S100A13: variants seen among roughly 807,000 people sequenced by gnomAD.
The protein encoded by S100A13 is S100 calcium binding protein A13.
S100A13 carries 6 observed loss-of-function variants against 8.2 expected under a neutral mutation model. The observed-to-expected ratio is 0.73, with a 90% CI of 0.40 to 1.44. S100A13 has a LOEUF of 1.44. Ranked by LOEUF, S100A13 falls within the 40% of genes most tolerant of loss-of-function variation. The pLI is 0.02. For missense variants in S100A13, 114 were observed against 113.6 expected (o/e 1.00, Z -0.02); for synonymous variants, 39 against 45.9 (o/e 0.85, Z 0.61).
chr1:153,630,189 T>TC (rs1667924766), upstream of S100A13: 10 of 439,848 alleles, frequency 2.3e-5, no homozygotes, highest in East Asian at 3.1e-4. Flanking sequence ...CCCTCCTCAA[T>TC]CCCTGCCTGG....
chr1:153,634,304 G>A (rs1668219268), upstream of S100A13: 1 of 152,956 alleles, frequency 6.5e-6, no homozygotes, highest in South Asian at 2.1e-4. Flanking sequence ...CGGAGCCGTG[G>A]TGGCAGCCCC....
At chr1:153,629,412 C>T (rs1359070782), upstream of S100A13, 2 of 152,246 alleles carry the variant, frequency 1.3e-5, no homozygotes, top group Non-Finnish European at 2.9e-5. Context: ...CGATCAGGGG[C>T]CATTGTCCAG....
chr1:153,623,730 G>A (rs1348392601), intron 2 of S100A13, among the ~76,000 whole-genome samples: 2 of 152,302 alleles, frequency 1.3e-5, no homozygotes, highest in Non-Finnish European at 2.9e-5. Context: ...ACTGGTAAAT[G>A]AATCAACCAG....
intron 2 of S100A13, among the ~76,000 whole-genome samples, chr1:153,624,547 GA>G (rs34952512): frequency 0.028 from 3,055 of 109,302 alleles, 68 homozygotes; most frequent in African/African-American, 0.065. Flanking sequence ...TTGAATTTAG[GA>G]AAAAAAAAAA....
upstream of S100A13, chr1:153,633,902 A>AGGGG (rs141930642): frequency 6.6e-6 from 1 of 152,200 alleles, no homozygotes; most frequent in African/African-American, 2.4e-5. Flanking sequence ...CCACGCCCCT[A>AGGGG]GGGGCGGGGC....
chr1:153,618,841 T>C lies in S100A13; in HGVS notation c.*54A>G. The C allele has an allele frequency of 6.4e-7, 1 of 1,571,786 alleles. No individual in the cohort carries two copies. Among genetic ancestry groups the C allele is most frequent in the Non-Finnish European group, 8.7e-7 (1 of 1,150,230 alleles). ...AAGCTTTATTTGGGAAGAGTGCGGT[T>C]CTGCTCGGCCCTGATCAGCTCTGCC... On this transcript the variant is annotated 3_prime_UTR_variant, in exon 3 of 3. Transcript: ENST00000476133.
chr1:153,631,935 T>G, upstream of S100A13: 1 of 1,497,672 alleles, frequency 6.7e-7, no homozygotes, highest in Non-Finnish European at 9.0e-7. Flanking sequence ...TCCCTCTCCA[T>G]AACCCCACCC....
intron 2 of S100A13, among the ~76,000 whole-genome samples, chr1:153,623,611 G>C (rs1224339164): frequency 6.6e-6 from 1 of 152,084 alleles, no homozygotes; most frequent in African/African-American, 2.4e-5. Context: ...GGCTGGTCTC[G>C]AAGTCCTGAA....
chr1:153,628,745 C>G, upstream of S100A13: 1 of 599,162 alleles, frequency 1.7e-6, no homozygotes, highest in Non-Finnish European at 2.7e-6. Flanking sequence ...AGTGGGGAAC[C>G]CACCATGAGC....
At chr1:153,625,117 G>C (rs1392331844) in intron 2 of S100A13, among the ~76,000 whole-genome samples, 1 of 152,040 alleles carries the variant, frequency 6.6e-6, no homozygotes, top group African/African-American at 2.4e-5. Flanking sequence ...ATGCGCCTGT[G>C]GTCCCAGCTA....
chr1:153,626,243 C>T (rs1667611355), intron 2 of S100A13, 77 bp downstream of exon 2: 4 of 1,356,314 alleles, frequency 2.9e-6, no homozygotes, highest in African/African-American at 1.4e-5. Context: ...CCTCACCGTA[C>T]TCGGCACCAT....
At chr1:153,631,148 G>C (rs1435270909), upstream of S100A13, 1 of 331,162 alleles carries the variant, frequency 3.0e-6, no homozygotes, top group African/African-American at 2.1e-5. Context: ...GAAGAATGTG[G>C]AGCATGTCAG....
chr1:153,628,354 C>A (rs1010313306), upstream of S100A13: 3 of 1,537,454 alleles, frequency 2.0e-6, no homozygotes, highest in South Asian at 2.5e-5. Context: ...ACAGGGTGTT[C>A]GTCTGTGAAG....
upstream of S100A13, chr1:153,634,136 A>C (rs1365655690): frequency 2.0e-5 from 3 of 152,966 alleles, no homozygotes; most frequent in Non-Finnish European, 4.4e-5. Context: ...AGGAAAGGGC[A>C]GGCCGGGTGA....
chr1:153,631,157 A>G, upstream of S100A13: 1 of 355,750 alleles, frequency 2.8e-6, no homozygotes, highest in Non-Finnish European at 5.1e-6. Context: ...GGAGCATGTC[A>G]GTAGTTTCAT....
chr1:153,622,219 A>G (rs973883076), intron 2 of S100A13, among the ~76,000 whole-genome samples: 4 of 152,004 alleles, frequency 2.6e-5, no homozygotes, highest in African/African-American at 9.7e-5. Flanking sequence ...AAAATACAAA[A>G]ATTAGCCAGG....
intron 2 of S100A13, among the ~76,000 whole-genome samples, chr1:153,622,777 C>A (rs570680767): frequency 6.6e-6 from 1 of 152,342 alleles, no homozygotes; most frequent in South Asian, 2.1e-4. Context: ...TGGGTCCAGT[C>A]CTGTCTTGGG....
At chr1:153,624,940 T>C (rs144633680) in intron 2 of S100A13, among the ~76,000 whole-genome samples, 67 of 152,236 alleles carry the variant, frequency 4.4e-4, no homozygotes, top group African/African-American at 1.3e-3. Flanking sequence ...CCAGGCATGG[T>C]GGCGGTTGCC....
chr1:153,624,041 G>A (rs1251660997), intron 2 of S100A13, among the ~76,000 whole-genome samples: 2 of 152,216 alleles, frequency 1.3e-5, no homozygotes, highest in Non-Finnish European at 2.9e-5. Flanking sequence ...GATGGAAGAT[G>A]CAAAAGTGAG....
Sources: gnomAD v4.1 joint callset for allele counts (sites outside exome capture counted in the v4.1 genomes callset) on GRCh38, gnomAD v4.1.1 for gene constraint, MANE v1.5 for transcripts, NCBI Gene and HGNC (gene_info 2026-07-23, HGNC 2026-07-21) for gene names.